The following SLMAP variants were observed in gnomAD, a reference collection of about 807,000 sequenced individuals.
SLMAP encodes sarcolemma associated protein.
In SLMAP, 44 loss-of-function variants were observed where a neutral mutation model predicts 128.8. The observed-to-expected ratio is 0.34, with a 90% confidence interval of 0.27 to 0.44. The LOEUF (loss-of-function observed/expected upper bound fraction) is 0.44, where lower values mean the gene tolerates loss of function less well. SLMAP is among the 20% of genes least tolerant of loss of function. SLMAP has a pLI of 1.00. For synonymous variants in SLMAP, 327 were observed against 348.8 expected, an observed-to-expected ratio of 0.94 and a Z score of 0.70; for missense variants, 787 against 985.3, an observed-to-expected ratio of 0.80 and a Z score of 2.69.
At chr3:57,810,338 A>G (rs2090734951) in intron 2 of SLMAP, among the ~76,000 whole-genome samples, 1 of 152,176 alleles carries the variant, frequency 6.6e-6, no homozygotes, top group Admixed American at 6.5e-5. Flanking sequence ...CCAGGCTGGT[A>G]GCATGAACCG....
chr3:57,851,524 G>A lies in SLMAP; in HGVS notation c.519+1708G>A, dbSNP rs184709514. Among the ~76,000 whole-genome samples the A allele has an allele frequency of 2.6e-5, 4 of 151,412 alleles. No individual in the cohort carries two copies. The East Asian group carries it at 7.7e-4, about 29-fold the overall frequency. ...CTTTCGCTCTGTCACCCACGCTGGA[G>A]TGCACTGGCGCAATCTAGGCTCATT... On this transcript the variant is annotated intron_variant, in intron 6 of 24. Coordinates refer to ENST00000671191, the MANE Select transcript of SLMAP (RefSeq NM_001377540.1).
chr3:57,789,872 T>C (rs2085060206), intron 2 of SLMAP, among the ~76,000 whole-genome samples: 1 of 152,210 alleles, frequency 6.6e-6, no homozygotes. Flanking sequence ...AGTCTCACTC[T>C]GTCGCCCAGG....
intron 2 of SLMAP, among the ~76,000 whole-genome samples, chr3:57,794,394 C>T (rs954524081): frequency 1.3e-5 from 2 of 152,214 alleles, no homozygotes; most frequent in Non-Finnish European, 2.9e-5. Flanking sequence ...TATATTAACA[C>T]TTATAAGCAC....
At chr3:57,760,429 C>G (rs2078390618) in intron 2 of SLMAP, among the ~76,000 whole-genome samples, 1 of 152,118 alleles carries the variant, frequency 6.6e-6, no homozygotes, top group Admixed American at 6.5e-5. Flanking sequence ...TCTGTCAGAT[C>G]TTACCATGTC....
chr3:57,861,873 A>C, intron 9 of SLMAP, 76 bp from the exon 10 acceptor site: 1 of 1,276,302 alleles, frequency 7.8e-7, no homozygotes, highest in Non-Finnish European at 1.1e-6. Context: ...ACTTTTTATA[A>C]ATTTCATTTA....
At chr3:57,910,414 C>T (rs2096665636) in intron 19 of SLMAP, among the ~76,000 whole-genome samples, 1 of 151,962 alleles carries the variant, frequency 6.6e-6, no homozygotes, top group African/African-American at 2.4e-5. Flanking sequence ...AAACTCCTGA[C>T]CTCGTGATCC....
intron 2 of SLMAP, among the ~76,000 whole-genome samples, chr3:57,781,541 A>G (rs2083068814): frequency 1.3e-5 from 2 of 152,152 alleles, no homozygotes; most frequent in Non-Finnish European, 2.9e-5. Flanking sequence ...TTATTTGTTT[A>G]TGCCTAAAGA....
At chr3:57,864,444 G>T in intron 10 of SLMAP, 104 bp from the exon 11 acceptor site, 1 of 696,496 alleles carries the variant, frequency 1.4e-6, no homozygotes, top group South Asian at 2.2e-5. Flanking sequence ...CTTTTCTACA[G>T]AACAAACTTT....
At chr3:57,885,081 T>G (rs956383293) in intron 14 of SLMAP, among the ~76,000 whole-genome samples, 14 of 152,018 alleles carry the variant, frequency 9.2e-5, no homozygotes, top group African/African-American at 3.4e-4. Flanking sequence ...ATTTTTTTTT[T>G]TTTTTTTTGA....
chr3:57,838,472 T>G (rs1035735791), intron 3 of SLMAP, among the ~76,000 whole-genome samples: 1 of 152,254 alleles, frequency 6.6e-6, no homozygotes, highest in African/African-American at 2.4e-5. Flanking sequence ...GTAAAATGCT[T>G]TCTGTACCAG....
chr3:57,856,501 A>G (rs1449731706), intron 6 of SLMAP, among the ~76,000 whole-genome samples: 2 of 152,164 alleles, frequency 1.3e-5, no homozygotes, highest in Admixed American at 6.6e-5. Flanking sequence ...CTAGGCCTAC[A>G]CAGTATCAAG....
intron 2 of SLMAP, among the ~76,000 whole-genome samples, chr3:57,787,142 T>G (rs2084377478): frequency 6.6e-6 from 1 of 152,192 alleles, no homozygotes; most frequent in Admixed American, 6.5e-5. Context: ...GTTAAATTGC[T>G]TGTGTCTCCC....
At chr3:57,907,027 G>GT (rs1559517528) in intron 17 of SLMAP, among the ~76,000 whole-genome samples, 2 of 151,254 alleles carry the variant, frequency 1.3e-5, no homozygotes, top group African/African-American at 4.8e-5. Flanking sequence ...TTGTTGTTGC[G>GT]GTTTTTTTTT....
chr3:57,810,257 C>T (rs1054144109), intron 2 of SLMAP, among the ~76,000 whole-genome samples: 7 of 152,166 alleles, frequency 4.6e-5, no homozygotes, highest in African/African-American at 9.7e-5. Context: ...CACAGTGGTC[C>T]GACCCCATGC....
intron 2 of SLMAP, among the ~76,000 whole-genome samples, chr3:57,786,913 T>G (rs939218932): frequency 6.6e-6 from 1 of 152,036 alleles, no homozygotes; most frequent in Non-Finnish European, 1.5e-5. Context: ...TTTTGTATTT[T>G]TTTAAGTAGA....
At chr3:57,880,875 A>G (rs1008881808) in intron 14 of SLMAP, among the ~76,000 whole-genome samples, 1 of 151,978 alleles carries the variant, frequency 6.6e-6, no homozygotes, top group Non-Finnish European at 1.5e-5. Context: ...ACGGAGTGAG[A>G]CCTTGTCTCA....
intron 2 of SLMAP, among the ~76,000 whole-genome samples, chr3:57,804,600 C>T (rs1341866239): frequency 6.6e-6 from 1 of 151,962 alleles, no homozygotes; most frequent in Non-Finnish European, 1.5e-5. Context: ...AAAAGATTAG[C>T]TGAGTGTAGT....
chr3:57,839,760 T>C (rs959726664), intron 3 of SLMAP, among the ~76,000 whole-genome samples: 2 of 152,184 alleles, frequency 1.3e-5, no homozygotes, highest in Admixed American at 6.5e-5. Flanking sequence ...CCCACCATCA[T>C]GTTGAGCAGG....
At chr3:57,866,968 T>G (rs916427761) in intron 13 of SLMAP, among the ~76,000 whole-genome samples, 2 of 151,910 alleles carry the variant, frequency 1.3e-5, no homozygotes, top group African/African-American at 4.8e-5. Context: ...AGGTCAGTAG[T>G]TGAAGACCAC....
Sources: gnomAD v4.1 joint callset for allele counts (sites outside exome capture counted in the v4.1 genomes callset) on GRCh38, gnomAD v4.1.1 for gene constraint, MANE v1.5 for transcripts, NCBI Gene and HGNC (gene_info 2026-07-23, HGNC 2026-07-21) for gene names.